KIAA1549L: variants seen among roughly 807,000 people sequenced by gnomAD.
KIAA1549L encodes KIAA1549 like.
A neutral mutation model predicts 160.7 loss-of-function variants in KIAA1549L; 88 were observed. The observed-to-expected ratio is 0.55, with a 90% confidence interval of 0.46 to 0.65. KIAA1549L has a LOEUF of 0.65. Among genes scored for constraint, KIAA1549L ranks in the 30% least tolerant of loss-of-function variants. The probability of loss-of-function intolerance (pLI) is 0.00; values close to 1 mark genes in which losing one functional copy is unlikely to be tolerated. For missense variants in KIAA1549L, 2,258 were observed against 2,437.5 expected, an observed-to-expected ratio of 0.93 and a Z score of 1.55; for synonymous variants, 950 against 976.7, an observed-to-expected ratio of 0.97 and a Z score of 0.51.
Position 33,658,801 on chromosome 11 carries a change from C to T in KIAA1549L, c.5910C>T (p.Pro1970=), listed in dbSNP as rs765409226. The change falls in exon 19 of 21, where the codon CCC becomes CCT. Residue 1970 remains proline (P), a synonymous_variant. Transcript: ENST00000658780. ...CCAGAATGGCCGAGTCTACAGGGCC[C>T]GAGCCGGCCCAGCTGCACGACAGCG... ...SKTRMAESTG[P]EPAQLHDSAS... The T allele has an allele frequency of 7.0e-6, 11 of 1,567,698 alleles. No individual in the cohort carries two copies. Among genetic ancestry groups the T allele is most frequent in the East Asian group, 4.8e-5 (2 of 41,440 alleles).
chr11:33,447,086 G>A (rs1336534580), intron 1 of KIAA1549L, among the ~76,000 whole-genome samples: 2 of 152,184 alleles, frequency 1.3e-5, no homozygotes, highest in African/African-American at 4.8e-5. Flanking sequence ...TGGCAGCACA[G>A]TCTTGTCAAG....
rs1554974184 is a variant in KIAA1549L at position 33,405,849 on chromosome 11, A to AAAAAAAG, written c.238+28966_238+28967insGAAAAAA. ...AGAGCCAGTCTGTCTCAAAAAAAAA[A>AAAAAAAG]AAAAAAAAAAAAAAGCAAAAGCTCT... On this transcript the variant is annotated intron_variant, in intron 1 of 20. Transcript: ENST00000658780. 2.6e-5 allele frequency among the ~76,000 whole-genome samples: 4 copies of AAAAAAAG among 151,390 alleles called. No homozygotes were observed. The East Asian group carries it at 7.8e-4, about 29-fold the overall frequency.
intron 11 of KIAA1549L, among the ~76,000 whole-genome samples, chr11:33,588,109 A>G (rs1324861691): frequency 6.6e-6 from 1 of 152,210 alleles, no homozygotes; most frequent in Non-Finnish European, 1.5e-5. Context: ...GGAACTCATG[A>G]TAATACCTAC....
chr11:33,376,333 G>GGGAGGGGGCCCC lies in KIAA1549L; in HGVS notation c.-316_-305dup, dbSNP rs1488778265. 6.7e-6 allele frequency: 1 copy of GGGAGGGGGCCCC among 148,628 alleles called. No homozygotes were observed. The highest frequency in any genetic ancestry group is 1.5e-5 in the Non-Finnish European group (1 of 66,870). The allele number at this position is 148,628 out of a possible 1,614,324, so 9.2% of individuals were successfully genotyped here. On this transcript the variant is annotated 5_prime_UTR_variant, in exon 1 of 21. Transcript: ENST00000658780. The surrounding 1 kb of genome is among the most constrained non-coding windows in gnomAD (Gnocchi z 5.8). ...CCTAGTTCTGCAGGAGCCGGCCCGG[G>GGGAGGGGGCCCC]GGAGGGGGCCCCGGGCGGCGCCCGT... is the stretch of plus-strand genomic sequence containing the variant.
At chr11:33,657,050 C>T (rs529418978) in intron 18 of KIAA1549L, among the ~76,000 whole-genome samples, 3 of 152,096 alleles carry the variant, frequency 2.0e-5, no homozygotes, top group Non-Finnish European at 4.4e-5. Context: ...AATTGCTTAT[C>T]GAGCATAACT....
intron 1 of KIAA1549L, among the ~76,000 whole-genome samples, chr11:33,482,524 T>C (rs887290339): frequency 1.3e-5 from 2 of 152,084 alleles, no homozygotes; most frequent in Non-Finnish European, 2.9e-5. Context: ...TTGGCACATA[T>C]TTAACAATTA....
chr11:33,505,976 T>C (rs1462287396), intron 1 of KIAA1549L, among the ~76,000 whole-genome samples: 2 of 152,250 alleles, frequency 1.3e-5, no homozygotes, highest in African/African-American at 4.8e-5. Context: ...CTTATTTTCA[T>C]CAATACCATA....
Position 33,598,829 on chromosome 11 carries a change from C to T in KIAA1549L, c.4761C>T (p.Pro1587=). ...CTATGGTTACCTCCAGCAGGTCGCC[C>T]AGTGAGAATGGCTCTGTCATCAGCA... ...KSTETRKSRS[P]SENGSVISNE... The change falls in exon 13 of 21, where the codon CCC becomes CCT. Residue 1587 remains proline, a synonymous_variant. Transcript: ENST00000658780. 2 of 1,613,900 alleles carry T rather than the reference C, an allele frequency of 1.2e-6. No homozygotes were observed. Among genetic ancestry groups the T allele is most frequent in the Non-Finnish European group, 1.7e-6 (2 of 1,179,826 alleles).
chr11:33,605,221 CGTT>C (rs559103684), intron 13 of KIAA1549L, among the ~76,000 whole-genome samples: 32 of 152,102 alleles, frequency 2.1e-4, no homozygotes, highest in African/African-American at 7.5e-4. Context: ...GGAAGTAACA[CGTT>C]GTCATTTCTG....
At chr11:33,444,079 A>G (rs1411719968) in intron 1 of KIAA1549L, among the ~76,000 whole-genome samples, 2 of 152,240 alleles carry the variant, frequency 1.3e-5, no homozygotes, top group African/African-American at 4.8e-5. Context: ...GGGTTATTGA[A>G]CTTATATGTG....
At position 33,407,102 on chromosome 11, in the gene KIAA1549L, T is replaced by TTTTTTTG. The variant is rs71034682; in HGVS notation, c.238+30213_238+30214insTTTTTTG. Among the ~76,000 whole-genome samples the TTTTTTTG allele has an allele frequency of 2.0e-5, 3 of 148,252 alleles. No individual in the cohort carries two copies. In the East Asian group the frequency reaches 5.9e-4, roughly 29 times the overall value. ...TTTCATTTTTTTTTTTTTTTTTTTT[T>TTTTTTTG]GAGACGGAGTCTCGCTCTGTCGTCC... On this transcript the variant is annotated intron_variant, in intron 1 of 20. Coordinates refer to ENST00000658780, the MANE Select transcript of KIAA1549L (RefSeq NM_012194.3).
chr11:33,391,877 A>T (rs1850279038), intron 1 of KIAA1549L, among the ~76,000 whole-genome samples: 2 of 152,206 alleles, frequency 1.3e-5, no homozygotes, highest in Admixed American at 6.5e-5. Flanking sequence ...AGCAAGAGAA[A>T]AATTTTTACA....
chr11:33,510,169 A>C (rs1408574405), intron 1 of KIAA1549L, among the ~76,000 whole-genome samples: 1 of 151,670 alleles, frequency 6.6e-6, no homozygotes, highest in Non-Finnish European at 1.5e-5. Context: ...TCTTTCATAT[A>C]TCTCTCTCAG....
At chr11:33,594,503 T>G (rs980130747) in intron 12 of KIAA1549L, among the ~76,000 whole-genome samples, 7 of 152,194 alleles carry the variant, frequency 4.6e-5, no homozygotes, top group African/African-American at 1.7e-4. Flanking sequence ...GCAAGGGCCT[T>G]TGTTCATATG....
At chr11:33,580,663 C>T (rs924662815) in intron 10 of KIAA1549L, among the ~76,000 whole-genome samples, 25 of 151,392 alleles carry the variant, frequency 1.7e-4, no homozygotes, top group Admixed American at 1.5e-3. Flanking sequence ...CATGCTCATT[C>T]ACTTTTTTAA....
At chr11:33,560,827 A>C (rs61888295) in intron 7 of KIAA1549L, among the ~76,000 whole-genome samples, 27,553 of 152,174 alleles carry the variant, frequency 0.18, 3,160 homozygotes, top group East Asian at 0.35. Context: ...CATGGCAGCC[A>C]CTCAGAATTT....
intron 1 of KIAA1549L, among the ~76,000 whole-genome samples, chr11:33,454,286 G>A (rs926274387): frequency 1.3e-5 from 2 of 152,224 alleles, no homozygotes; most frequent in South Asian, 2.1e-4. Flanking sequence ...CTAGCACCCC[G>A]AAATTAGCAA....
chr11:33,568,198 G>T lies in KIAA1549L; in HGVS notation c.4201G>T (p.Ala1401Ser). ...SQQQGRRFKR[A>S]TTLGSYTVQM... ...GCAACAAGGCCGGCGGTTTAAACGG[G>T]CCACCACCCTGGGAAGCTACACTGT... Residue 1401 changes from alanine to serine, a missense_variant, in exon 9 of 21, where the codon GCC (alanine) becomes TCC (serine). Ala to Ser is a moderately conservative substitution (Grantham distance 99, BLOSUM62 1). Around this residue, in one of 6 missense-constraint regions of KIAA1549L, gnomAD observed 1,359 missense variants for 1,546.6 expected, o/e 0.88. Transcript: ENST00000658780. 1 of 1,613,606 alleles carries T rather than the reference G, an allele frequency of 6.2e-7. No individual in the cohort carries two copies. Among genetic ancestry groups the T allele is most frequent in the Non-Finnish European group, 8.5e-7 (1 of 1,179,776 alleles).
At chr11:33,397,653 G>A (rs1190577422) in intron 1 of KIAA1549L, among the ~76,000 whole-genome samples, 1 of 150,884 alleles carries the variant, frequency 6.6e-6, no homozygotes, top group African/African-American at 2.4e-5. Flanking sequence ...CGGAGGTTGC[G>A]GTGAGCCAAG....
Sources: gnomAD v4.1 joint callset for allele counts (sites outside exome capture counted in the v4.1 genomes callset) on GRCh38, gnomAD v4.1.1 for gene constraint, gnomAD v4.1.1 regional missense constraint, Gnocchi (gnomAD v3.1) non-coding constraint, MANE v1.5 for transcripts, NCBI Gene and HGNC (gene_info 2026-07-23, HGNC 2026-07-21) for gene names.